BBIP1: variants seen among roughly 807,000 people sequenced by gnomAD.
The protein encoded by BBIP1 is BBSome-interacting protein 1.
A neutral mutation model predicts 8.9 loss-of-function variants in BBIP1; 6 were observed. The ratio of observed to expected loss-of-function variants is 0.67; its 90% CI spans 0.37 to 1.33. BBIP1 has a LOEUF of 1.33. BBIP1 is among the 40% of genes most tolerant of loss of function. The pLI is 0.02. For missense variants in BBIP1, 111 were observed against 109.2 expected (o/e 1.02, Z -0.07); for synonymous variants, 32 against 33.4 (o/e 0.96, Z 0.14).
rs1845893676 is a variant in BBIP1 at position 110,898,790 on chromosome 10, C to CA, written c.*1569dup. On this transcript the variant is annotated 3_prime_UTR_variant, in exon 4 of 4. Coordinates refer to ENST00000448814, the MANE Select transcript of BBIP1 (RefSeq NM_001195305.3). ...TTTTAGGTCTCTTAAACTTTAATTT[C>CA]ACACAGTAAATTTTGAATCTCATAA... 6.6e-6 allele frequency: 1 copy of CA among 152,518 alleles called. No individual in the cohort carries two copies. Among genetic ancestry groups the CA allele is most frequent in the South Asian group, 2.1e-4 (1 of 4,826 alleles). The allele number at this position is 152,518 out of a possible 1,614,324, so 9.4% of individuals were successfully genotyped here. A position where few individuals can be genotyped will look rare whatever the true frequency, so the allele number is the denominator to read the frequency against.
intron 2 of BBIP1, 104 bp from the exon 3 acceptor site, chr10:110,901,716 G>T: frequency 1.2e-6 from 1 of 827,592 alleles, no homozygotes; most frequent in Non-Finnish European, 2.0e-6. Flanking sequence ...CCTATAGAAA[G>T]TGAACTACCC....
At chr10:110,908,696 G>A (rs1266818682) in intron 2 of BBIP1, among the ~76,000 whole-genome samples, 1 of 151,974 alleles carries the variant, frequency 6.6e-6, no homozygotes, top group Non-Finnish European at 1.5e-5. Context: ...GATGATGGGG[G>A]AGGAACTTTA....
chr10:110,917,194 A>ATTTTTTTTTTTTTTTTTTTTT (rs67066048), intron 2 of BBIP1, among the ~76,000 whole-genome samples: 1 of 107,972 alleles, frequency 9.3e-6, no homozygotes, highest in Non-Finnish European at 1.8e-5. Flanking sequence ...CTGGATCCTG[A>ATTTTTTTTTTTTTTTTTTTTT]TTTTTTTTTT....
chr10:110,900,838 G>A (rs1313650974), intron 3 of BBIP1: 2 of 274,130 alleles, frequency 7.3e-6, no homozygotes, highest in African/African-American at 4.5e-5. Context: ...TATATACATA[G>A]TGCAAAAAAA....
At chr10:110,903,222 AACTC>A (rs1846048648) in intron 2 of BBIP1, 1 of 152,234 alleles carries the variant, frequency 6.6e-6, no homozygotes, top group Non-Finnish European at 1.5e-5. Context: ...TAGTGTAAGC[AACTC>A]CAGCTACTCT....
chr10:110,917,918 A>G (rs937369719), intron 2 of BBIP1: 64 of 594,018 alleles, frequency 1.1e-4, no homozygotes, highest in Middle Eastern at 3.1e-4. Flanking sequence ...AAGAATCTGG[A>G]AACACATCTC....
At chr10:110,905,474 A>G (rs145786556) in intron 2 of BBIP1, among the ~76,000 whole-genome samples, 1 of 152,222 alleles carries the variant, frequency 6.6e-6, no homozygotes, top group African/African-American at 2.4e-5. Context: ...AGGCAGGAGA[A>G]TGGCGTGAAC....
At chr10:110,912,745 A>G (rs981637533) in intron 2 of BBIP1, among the ~76,000 whole-genome samples, 12 of 152,002 alleles carry the variant, frequency 7.9e-5, no homozygotes, top group African/African-American at 2.7e-4. Context: ...CTAGTATTTG[A>G]TCTTTGCTGG....
intron 2 of BBIP1, among the ~76,000 whole-genome samples, chr10:110,913,251 G>C (rs1210965638): frequency 1.3e-5 from 2 of 152,160 alleles, no homozygotes; most frequent in African/African-American, 4.8e-5. Flanking sequence ...ATCTGTCCTG[G>C]GTTGTAAGGG....
rs1845948562 is a variant in BBIP1, at chr10:110,900,010, A to T, written c.*350T>A. ...AAACATGTAAAGATCCTCTGTATAT[A>T]AAAGTTGTATTTAATCCCTTGTGCC... On this transcript the variant is annotated 3_prime_UTR_variant, in exon 4 of 4. Coordinates refer to ENST00000448814, the MANE Select transcript of BBIP1 (RefSeq NM_001195305.3). 1 of 182,302 alleles carries T rather than the reference A, an allele frequency of 5.5e-6. No homozygotes were observed. The highest frequency in any genetic ancestry group is 1.8e-4 in the South Asian group (1 of 5,414). 11.3% of individuals were successfully genotyped at this position (182,302 alleles called of 1,614,324 possible). A position where few individuals can be genotyped will look rare whatever the true frequency, so the allele number is the denominator to read the frequency against.
chr10:110,900,666 G>T, intron 3 of BBIP1, 140 bp from the exon 4 acceptor site: 1 of 681,662 alleles, frequency 1.5e-6, no homozygotes, highest in Non-Finnish European at 2.3e-6. Flanking sequence ...GTTTTGCTCT[G>T]GAACCAGAAA....
chr10:110,901,872 T>C (rs1846013285), intron 2 of BBIP1: 3 of 410,908 alleles, frequency 7.3e-6, no homozygotes, highest in Non-Finnish European at 1.4e-5. Context: ...AGTGAAAACT[T>C]GGTAGAGCTT....
chr10:110,915,156 T>C (rs1372020032), intron 2 of BBIP1, among the ~76,000 whole-genome samples: 1 of 152,052 alleles, frequency 6.6e-6, no homozygotes, highest in African/African-American at 2.4e-5. Flanking sequence ...CAGAATACTT[T>C]TTCTTTTTTT....
intron 2 of BBIP1, among the ~76,000 whole-genome samples, chr10:110,905,567 C>T (rs570530291): frequency 5.4e-5 from 8 of 149,522 alleles, no homozygotes; most frequent in African/African-American, 9.9e-5. Context: ...GTCCTCCCCC[C>T]ACCCCTCCAA....
intron 2 of BBIP1, chr10:110,917,821 A>C: frequency 1.5e-5 from 3 of 199,916 alleles, no homozygotes; most frequent in East Asian, 1.7e-4. Context: ...CTAAAAACAT[A>C]AGCGCTATTA....
intron 2 of BBIP1, chr10:110,911,003 C>T (rs1846263049): frequency 1.3e-5 from 2 of 152,136 alleles, no homozygotes; most frequent in South Asian, 4.1e-4. Flanking sequence ...TCAGATTAGT[C>T]ACTTAAATTA....
At chr10:110,914,469 A>C (rs993867170) in intron 2 of BBIP1, among the ~76,000 whole-genome samples, 3 of 152,002 alleles carry the variant, frequency 2.0e-5, no homozygotes, top group African/African-American at 7.2e-5. Context: ...AAAGGTGAAA[A>C]GGGGAGCCCA....
chr10:110,918,728 G>GA (rs200644654), intron 1 of BBIP1: 9,629 of 152,672 alleles, frequency 0.063, 381 homozygotes, highest in African/African-American at 0.11. Context: ...GGCCAGCCCG[G>GA]AAAAAAACCG....
rs541703290 is a variant in BBIP1, at chr10:110,901,618, A to G, written c.38-6T>C. The G allele has an allele frequency of 9.7e-5, 148 of 1,523,994 alleles. No individual in the cohort carries two copies. Among genetic ancestry groups the G allele is most frequent in the Admixed American group, 2.5e-4 (13 of 50,986 alleles). The allele number at this position is 1,523,994 out of a possible 1,614,324, so 94.4% of individuals were successfully genotyped here. A position where few individuals can be genotyped will look rare whatever the true frequency, so the allele number is the denominator to read the frequency against. ...GTTGGATATAGTGTTTTTTCCTTCA[A>G]TGAGAAATCAGTATTATTCAAGAAT... On this transcript the variant is annotated splice_polypyrimidine_tract_variant and splice_region_variant and intron_variant, in intron 2 of 3. Coordinates refer to ENST00000448814, the MANE Select transcript of BBIP1 (RefSeq NM_001195305.3).
Sources: allele counts gnomAD v4.1 joint callset (sites outside exome capture counted in the v4.1 genomes callset), GRCh38; gene constraint gnomAD v4.1.1; transcripts MANE v1.5; gene names NCBI Gene and HGNC (gene_info 2026-07-23, HGNC 2026-07-21).